Variants in DLGAP2 observed in about 807,000 individuals in gnomAD.
DLGAP2 encodes DLG associated protein 2, also known as disks large-associated protein 2.
In DLGAP2, 26 loss-of-function variants were observed where a neutral mutation model predicts 100.3. The observed-to-expected ratio is 0.26, with a 90% CI of 0.19 to 0.36. The LOEUF (loss-of-function observed/expected upper bound fraction) is 0.36, where lower values mean the gene tolerates loss of function less well. DLGAP2 is among the 10% of genes least tolerant of loss of function. The pLI is 1.00. For missense variants in DLGAP2, 1,858 were observed against 1,453.2 expected (o/e 1.28, Z -4.53); for synonymous variants, 886 against 630.1 (o/e 1.41, Z -6.08).
At position 1,104,180 on chromosome 8, in the gene DLGAP2, A is replaced by G. The variant is rs560883032; in HGVS notation, c.74-154671A>G. Among the ~76,000 whole-genome samples, 5 of 152,320 alleles carry G rather than the reference A, an allele frequency of 3.3e-5. No homozygotes were observed. In the South Asian group the frequency reaches 1.0e-3, roughly 32 times the overall value. On this transcript the variant is annotated intron_variant, in intron 2 of 14. Coordinates refer to ENST00000637795, the MANE Select transcript of DLGAP2 (RefSeq NM_001346810.2). The stretch of plus-strand genomic sequence containing the variant: ...TGCTGGTGATGGATGATTCAGGAGC[A>G]AGAACAGCATCCAGCCCCGGCCACG...
At chr8:1,258,596 T>G (rs1043659430) in intron 2 of DLGAP2, among the ~76,000 whole-genome samples, 1 of 142,918 alleles carries the variant, frequency 7.0e-6, no homozygotes, top group Non-Finnish European at 1.5e-5. Context: ...CTTAGTAAAA[T>G]TAAAAAAAAT....
chr8:1,475,564 G>C (rs981371621), intron 3 of DLGAP2, among the ~76,000 whole-genome samples: 1 of 152,130 alleles, frequency 6.6e-6, no homozygotes, highest in African/African-American at 2.4e-5. Context: ...GGGAGTAAAC[G>C]TCTTCCATAC....
chr8:792,211 A>C (rs1051133739), intron 1 of DLGAP2, among the ~76,000 whole-genome samples: 41 of 152,230 alleles, frequency 2.7e-4, no homozygotes, highest in African/African-American at 9.4e-4. Flanking sequence ...TTATTATTTC[A>C]TAAATCACCT....
chr8:1,484,930 C>T (rs1380253242), intron 3 of DLGAP2, among the ~76,000 whole-genome samples: 1 of 152,156 alleles, frequency 6.6e-6, no homozygotes, highest in Non-Finnish European at 1.5e-5. Flanking sequence ...TTGCTGTCTG[C>T]CCCCTAGGAC....
intron 2 of DLGAP2, among the ~76,000 whole-genome samples, chr8:1,231,190 A>C (rs1354735026): frequency 6.6e-6 from 1 of 152,254 alleles, no homozygotes; most frequent in Non-Finnish European, 1.5e-5. Context: ...AGACATAAAC[A>C]GACATTTCTC....
At chr8:1,529,201 G>T (rs935685466) in intron 4 of DLGAP2, among the ~76,000 whole-genome samples, 2 of 152,236 alleles carry the variant, frequency 1.3e-5, no homozygotes, top group African/African-American at 2.4e-5. Flanking sequence ...TCACAAGGTA[G>T]CAGGAAGGAG....
In DLGAP2 at chr8:1,501,220, G is replaced by T. The variant is rs1026295075; in HGVS notation, c.107-146G>T. On this transcript the variant is annotated intron_variant, in intron 3 of 14. Coordinates refer to ENST00000637795, the MANE Select transcript of DLGAP2 (RefSeq NM_001346810.2). ...CTGAGGTTATTGGCACAAAATGCTG[G>T]GCTCTGAGCGGTGACGTTTGAAGAA... is the stretch of plus-strand genomic sequence containing the variant. 16 of 797,222 alleles carry T rather than the reference G, an allele frequency of 2.0e-5. No individual in the cohort carries two copies. The African/African-American group carries it at 2.4e-4, about 12-fold the overall frequency. The allele number at this position is 797,222 out of a possible 1,614,324, so 49.4% of individuals were successfully genotyped here.
chr8:1,693,000 T>A (rs1158332269), intron 13 of DLGAP2, among the ~76,000 whole-genome samples: 2 of 148,248 alleles, frequency 1.3e-5, no homozygotes, highest in Non-Finnish European at 3.0e-5. Context: ...TATACAAGAT[T>A]ATAATCATAT....
At chr8:1,423,416 T>A (rs1427856192) in intron 3 of DLGAP2, among the ~76,000 whole-genome samples, 1 of 152,100 alleles carries the variant, frequency 6.6e-6, no homozygotes, top group Non-Finnish European at 1.5e-5. Context: ...TCCCACCACA[T>A]CCCATAGCCC....
chr8:1,526,386 T>A lies in DLGAP2; in HGVS notation c.173-22240T>A, dbSNP rs188148559. ...GGGGAGGAATTGGGGGCTCAGAGGG[T>A]GGGAATGCATGTGGGTCCAAGGGCA... On this transcript the variant is annotated intron_variant, in intron 4 of 14. Transcript: ENST00000637795. Among the ~76,000 whole-genome samples, 7 of 151,562 alleles carry A rather than the reference T, an allele frequency of 4.6e-5. No individual in the cohort carries two copies. The East Asian group carries it at 1.4e-3, about 30-fold the overall frequency.
chr8:1,584,706 C>T (rs528747774), intron 6 of DLGAP2, among the ~76,000 whole-genome samples: 2 of 152,266 alleles, frequency 1.3e-5, no homozygotes, highest in South Asian at 4.1e-4. Flanking sequence ...GCACTTGGCA[C>T]TTGCTCCTGG....
intron 6 of DLGAP2, among the ~76,000 whole-genome samples, chr8:1,587,225 A>G (rs1377510927): frequency 6.6e-6 from 1 of 152,210 alleles, no homozygotes; most frequent in African/African-American, 2.4e-5. Flanking sequence ...ATCTATAGGA[A>G]CTATTTAATT....
At chr8:800,230 T>C (rs1463095701) in intron 1 of DLGAP2, among the ~76,000 whole-genome samples, 5 of 152,194 alleles carry the variant, frequency 3.3e-5, no homozygotes, top group African/African-American at 1.2e-4. Flanking sequence ...TGCGGCAGAA[T>C]CATCAGTGTT....
At chr8:1,012,266 G>A (rs996874824) in intron 2 of DLGAP2, among the ~76,000 whole-genome samples, 13 of 152,116 alleles carry the variant, frequency 8.5e-5, no homozygotes, top group Admixed American at 8.5e-4. Context: ...CCATCCCTTC[G>A]CTCTTCCTGT....
At chr8:879,858 C>A (rs935720401) in intron 1 of DLGAP2, among the ~76,000 whole-genome samples, 8 of 152,160 alleles carry the variant, frequency 5.3e-5, no homozygotes, top group African/African-American at 1.9e-4. Context: ...TCATTGTTAC[C>A]TGGACTGTCT....
chr8:1,641,661 C>G (rs950799637), intron 8 of DLGAP2, among the ~76,000 whole-genome samples: 5 of 152,062 alleles, frequency 3.3e-5, no homozygotes, highest in African/African-American at 1.2e-4. Context: ...AGTCAGAAGT[C>G]CAGTGAGGAC....
At chr8:1,391,134 G>A (rs942903130) in intron 3 of DLGAP2, among the ~76,000 whole-genome samples, 8 of 152,242 alleles carry the variant, frequency 5.3e-5, no homozygotes, top group African/African-American at 1.2e-4. Flanking sequence ...AGGCAGAAAT[G>A]TCTGGGGATA....
intron 1 of DLGAP2, among the ~76,000 whole-genome samples, chr8:771,755 G>C (rs1237361712): frequency 6.6e-6 from 1 of 152,170 alleles, no homozygotes; most frequent in East Asian, 1.9e-4. Context: ...AAATGACTTT[G>C]TTTAAAAAGT....
At chr8:1,287,630 T>TTGTG (rs1799966957) in intron 3 of DLGAP2, among the ~76,000 whole-genome samples, 1 of 80,902 alleles carries the variant, frequency 1.2e-5, no homozygotes, top group Non-Finnish European at 2.3e-5. Flanking sequence ...CTAGTTTCGG[T>TTGTG]TGAGTGTGTG....
Sources: allele counts gnomAD v4.1 joint callset (sites outside exome capture counted in the v4.1 genomes callset), GRCh38; gene constraint gnomAD v4.1.1; transcripts MANE v1.5; gene names NCBI Gene and HGNC (gene_info 2026-07-23, HGNC 2026-07-21).